The following PDE4D variants were observed in gnomAD, a reference collection of about 807,000 sequenced individuals.
PDE4D encodes phosphodiesterase 4D.
A neutral mutation model predicts 87.4 loss-of-function variants in PDE4D; 24 were observed. That is an observed-to-expected ratio of 0.27 (90% CI 0.20 to 0.39). The LOEUF (loss-of-function observed/expected upper bound fraction) is 0.39, where lower values mean the gene tolerates loss of function less well. Ranked by LOEUF, PDE4D falls within the 10% of genes least tolerant of loss-of-function variation. The pLI, the probability that PDE4D is intolerant of heterozygous loss-of-function variation, is 1.00. For missense variants in PDE4D, 714 were observed against 1,041.0 expected, an observed-to-expected ratio of 0.69 and a Z score of 4.32; for synonymous variants, 384 against 383.2, an observed-to-expected ratio of 1.00 and a Z score of -0.02.
intron 1 of PDE4D, among the ~76,000 whole-genome samples, chr5:59,506,677 A>G (rs1233391926): frequency 1.3e-5 from 2 of 151,894 alleles, no homozygotes; most frequent in South Asian, 2.1e-4. Flanking sequence ...AAAAGTCCAG[A>G]AAAAAAAATT....
At chr5:60,066,062 G>C (rs1016668560) in intron 2 of PDE4D, among the ~76,000 whole-genome samples, 2 of 152,128 alleles carry the variant, frequency 1.3e-5, no homozygotes, top group African/African-American at 4.8e-5. Flanking sequence ...CAGTGTAAAA[G>C]TGTTCCTATT....
intron 1 of PDE4D, among the ~76,000 whole-genome samples, chr5:59,371,075 T>C (rs917219266): frequency 5.3e-5 from 8 of 152,204 alleles, no homozygotes; most frequent in South Asian, 2.1e-4. Context: ...AGCTATCATA[T>C]TGGTGTATTT....
chr5:60,356,969 CT>C (rs1351893883), intron 1 of PDE4D, among the ~76,000 whole-genome samples: 1 of 152,094 alleles, frequency 6.6e-6, no homozygotes, highest in African/African-American at 2.4e-5. Context: ...AACACAGCTA[CT>C]AGCTCCAATG....
upstream of PDE4D, among the ~76,000 whole-genome samples, chr5:59,896,584 C>CTA (rs1433836978): frequency 2.6e-5 from 4 of 152,152 alleles, no homozygotes; most frequent in African/African-American, 9.7e-5. Flanking sequence ...ATCAGTATTT[C>CTA]TAGGGGAGGA....
At chr5:59,022,979 G>T (rs969268589) in intron 6 of PDE4D, among the ~76,000 whole-genome samples, 6 of 152,148 alleles carry the variant, frequency 3.9e-5, no homozygotes, top group Non-Finnish European at 7.3e-5. Context: ...TTCGAGACCA[G>T]CCTGGCCAAC....
chr5:60,412,928 GGA>G (rs1289743037), intron 1 of PDE4D, among the ~76,000 whole-genome samples: 6 of 152,012 alleles, frequency 3.9e-5, no homozygotes, highest in Non-Finnish European at 8.8e-5. Context: ...GGCTAGAGGT[GGA>G]GTCATTTGCT....
intron 2 of PDE4D, among the ~76,000 whole-genome samples, chr5:60,076,522 T>C (rs951947910): frequency 6.6e-6 from 1 of 152,172 alleles, no homozygotes; most frequent in East Asian, 1.9e-4. Context: ...TTCATGACCT[T>C]GGGTGTTTCA....
At chr5:60,432,842 T>C (rs1371130388) in intron 1 of PDE4D, among the ~76,000 whole-genome samples, 1 of 152,216 alleles carries the variant, frequency 6.6e-6, no homozygotes, top group Non-Finnish European at 1.5e-5. Flanking sequence ...GGACTCCCTA[T>C]TCGATAAATG....
At chr5:59,376,557 A>G (rs1784769345) in intron 1 of PDE4D, among the ~76,000 whole-genome samples, 1 of 152,222 alleles carries the variant, frequency 6.6e-6, no homozygotes, top group African/African-American at 2.4e-5. Flanking sequence ...ATAGAAAAAC[A>G]TTCCATGATC....
At chr5:59,122,587 C>A (rs1774731350) in intron 5 of PDE4D, among the ~76,000 whole-genome samples, 1 of 152,146 alleles carries the variant, frequency 6.6e-6, no homozygotes, top group Non-Finnish European at 1.5e-5. Flanking sequence ...ACCGTAAATA[C>A]CCCGATTCCA....
At chr5:59,532,871 G>T (rs1282530588) in intron 1 of PDE4D, among the ~76,000 whole-genome samples, 8 of 152,160 alleles carry the variant, frequency 5.3e-5, no homozygotes. Context: ...AAGATGGTGG[G>T]ATAACAGAAA....
intron 2 of PDE4D, among the ~76,000 whole-genome samples, chr5:59,204,860 G>A (rs1748396744): frequency 6.6e-6 from 1 of 152,148 alleles, no homozygotes; most frequent in African/African-American, 2.4e-5. Flanking sequence ...AATTTTAAAG[G>A]TCTGCATGTG....
At chr5:59,290,511 C>A (rs1267750915) in intron 1 of PDE4D, among the ~76,000 whole-genome samples, 2 of 152,002 alleles carry the variant, frequency 1.3e-5, no homozygotes, top group East Asian at 3.9e-4. Context: ...GAACATTGGA[C>A]TGGGTAACAA....
chr5:59,407,440 C>T (rs1408895058), intron 1 of PDE4D, among the ~76,000 whole-genome samples: 1 of 152,180 alleles, frequency 6.6e-6, no homozygotes, highest in Admixed American at 6.5e-5. Context: ...AATGCCACAA[C>T]AGCCTAATAT....
At chr5:59,265,543 T>C (rs1403462518) in intron 1 of PDE4D, among the ~76,000 whole-genome samples, 1 of 152,114 alleles carries the variant, frequency 6.6e-6, no homozygotes, top group East Asian at 1.9e-4. Context: ...CATACCAATG[T>C]GTAAACTTCA....
At chr5:59,925,056 T>C (rs1755090552) in intron 3 of PDE4D, among the ~76,000 whole-genome samples, 1 of 150,768 alleles carries the variant, frequency 6.6e-6, no homozygotes, top group Non-Finnish European at 1.5e-5. Context: ...GCGCCTGTAG[T>C]CCCAGCTACT....
upstream of PDE4D, among the ~76,000 whole-genome samples, chr5:59,894,165 G>A (rs1450103873): frequency 6.6e-6 from 1 of 152,050 alleles, no homozygotes; most frequent in Non-Finnish European, 1.5e-5. Context: ...CTGTCCTCTT[G>A]ATCCTTCCCC....
chr5:59,994,345 C>CAT (rs200534526), intron 2 of PDE4D, among the ~76,000 whole-genome samples: 187 of 151,054 alleles, frequency 1.2e-3, no homozygotes, highest in African/African-American at 4.2e-3. Context: ...TGTATACACA[C>CAT]ATATATATAT....
intron 1 of PDE4D, among the ~76,000 whole-genome samples, chr5:60,298,091 A>T (rs1318658720): frequency 6.6e-6 from 1 of 152,178 alleles, no homozygotes; most frequent in African/African-American, 2.4e-5. Context: ...TGTGGTTTAC[A>T]TATAGTTTGA....
Sources: gnomAD v4.1 joint callset for allele counts (sites outside exome capture counted in the v4.1 genomes callset) on GRCh38, gnomAD v4.1.1 for gene constraint, MANE v1.5 for transcripts, NCBI Gene and HGNC (gene_info 2026-07-23, HGNC 2026-07-21) for gene names.